GALNT12: variants seen among roughly 807,000 people sequenced by gnomAD.
The protein encoded by GALNT12 is UDP-GalNAc:polypeptide N-acetylgalactosaminyltransferase 12.
GALNT12 carries 45 observed loss-of-function variants against 55.5 expected under a neutral mutation model. The observed-to-expected ratio is 0.81, with a 90% CI of 0.64 to 1.04. The LOEUF (loss-of-function observed/expected upper bound fraction) is 1.04. Among genes scored for constraint, GALNT12 ranks in the 50% least tolerant of loss-of-function variants. GALNT12 has a pLI of 0.00. For synonymous variants in GALNT12, 304 were observed against 312.2 expected, an observed-to-expected ratio of 0.97 and a Z score of 0.28; for missense variants, 709 against 754.8, an observed-to-expected ratio of 0.94 and a Z score of 0.71.
At position 98,826,855 on chromosome 9, in the gene GALNT12, G is replaced by A; in HGVS notation, c.645G>A (p.Gly215=). The A allele has an allele frequency of 6.2e-7, 1 of 1,605,888 alleles. No homozygotes were observed. The change falls in exon 3 of 10, where the codon GGG becomes GGA. Residue 215 remains glycine (G), a synonymous_variant. Transcript: ENST00000375011. Reference sequence around the variant, plus strand: ...GCCTGGTGCGAGCCCGGCTGCTGGGGGCGTCTGCGGCGAGGGGCGATGTTC... The same window carrying A: ...GCCTGGTGCGAGCCCGGCTGCTGGGAGCGTCTGCGGCGAGGGGCGATGTTC... ...REGLVRARLL[G]ASAARGDVLT...
intron 8 of GALNT12, among the ~76,000 whole-genome samples, chr9:98,845,537 A>G (rs1018321987): frequency 1.3e-5 from 2 of 152,140 alleles, no homozygotes; most frequent in African/African-American, 2.4e-5. Context: ...TGTGCACAGC[A>G]CTTTACATCT....
chr9:98,833,842 C>T (rs111442105), intron 4 of GALNT12, among the ~76,000 whole-genome samples: 386 of 152,198 alleles, frequency 2.5e-3, no homozygotes, highest in African/African-American at 8.9e-3. Flanking sequence ...CTAATTGCCC[C>T]GTTACCCCAC....
intron 7 of GALNT12, among the ~76,000 whole-genome samples, chr9:98,840,435 A>G (rs1346543841): frequency 2.0e-5 from 3 of 152,196 alleles, no homozygotes; most frequent in Non-Finnish European, 4.4e-5. Context: ...GCCTTATCAT[A>G]TTACTTCTAG....
At chr9:98,811,910 T>A (rs957339194) in intron 1 of GALNT12, among the ~76,000 whole-genome samples, 1 of 152,186 alleles carries the variant, frequency 6.6e-6, no homozygotes, top group African/African-American at 2.4e-5. Flanking sequence ...CTCAGACTCC[T>A]GACCTCAGGA....
intron 3 of GALNT12, among the ~76,000 whole-genome samples, chr9:98,827,416 G>A (rs1835883437): frequency 6.6e-6 from 1 of 151,978 alleles, no homozygotes; most frequent in Non-Finnish European, 1.5e-5. Flanking sequence ...GGTCAGGCTG[G>A]TCTCAAACTC....
intron 9 of GALNT12, among the ~76,000 whole-genome samples, chr9:98,847,811 C>CT (rs754967420): frequency 0.063 from 7,788 of 122,828 alleles, 359 homozygotes; most frequent in East Asian, 0.13. Flanking sequence ...AGGGCTGGAT[C>CT]TTTTTTTTTT....
chr9:98,827,111 A>G lies in GALNT12; in HGVS notation c.731+170A>G, dbSNP rs1043860406. ...TTAGTTCGGCTGTTGAGACCGTTAA[A>G]TGATTTAGTGCATGGCAAGTGCCTG... On this transcript the variant is annotated intron_variant, in intron 3 of 9. Transcript: ENST00000375011. Among the ~76,000 whole-genome samples the G allele has an allele frequency of 1.6e-4, 24 of 152,214 alleles. No homozygotes were observed. Among genetic ancestry groups the G allele is most frequent in the African/African-American group, 5.5e-4 (23 of 41,448 alleles).
chr9:98,831,994 C>T, intron 4 of GALNT12, 37 bp downstream of exon 4: 1 of 1,572,998 alleles, frequency 6.4e-7, no homozygotes, highest in South Asian at 1.1e-5. Context: ...GTTTTTTAAG[C>T]ATGCCTCATT....
chr9:98,834,219 A>G (rs1836073636), intron 4 of GALNT12, among the ~76,000 whole-genome samples: 1 of 151,894 alleles, frequency 6.6e-6, no homozygotes, highest in African/African-American at 2.4e-5. Flanking sequence ...CCTGGATTCA[A>G]GTGATTCTCC....
chr9:98,829,548 G>T (rs1352435879), intron 3 of GALNT12, among the ~76,000 whole-genome samples: 1 of 151,476 alleles, frequency 6.6e-6, no homozygotes, highest in Non-Finnish European at 1.5e-5. Flanking sequence ...ACTCTGTTGT[G>T]CTAGCAACTG....
intron 1 of GALNT12, 100 bp from the exon 2 acceptor site, chr9:98,823,156 C>G (rs775111458): frequency 1.0e-5 from 11 of 1,097,370 alleles, no homozygotes; most frequent in African/African-American, 1.5e-5. Flanking sequence ...GATTATGTCC[C>G]CTTCCGCAGG....
intron 1 of GALNT12, among the ~76,000 whole-genome samples, chr9:98,820,405 G>C (rs1319107403): frequency 6.6e-6 from 1 of 152,162 alleles, no homozygotes; most frequent in Non-Finnish European, 1.5e-5. Flanking sequence ...CTCCATCCAT[G>C]TCCTTGCAAA....
intron 4 of GALNT12, among the ~76,000 whole-genome samples, chr9:98,834,478 T>C (rs1337268901): frequency 6.6e-6 from 1 of 152,216 alleles, no homozygotes; most frequent in Non-Finnish European, 1.5e-5. Flanking sequence ...GTGCTGACCT[T>C]ACAGTGTTCT....
At chr9:98,843,007 ACAGTGGC>A (rs1480045029) in intron 7 of GALNT12, among the ~76,000 whole-genome samples, 1 of 152,224 alleles carries the variant, frequency 6.6e-6, no homozygotes, top group Admixed American at 6.5e-5. Flanking sequence ...TCCAGTAGCC[ACAGTGGC>A]CAGTGGCCGC....
intron 3 of GALNT12, 91 bp downstream of exon 3, chr9:98,827,032 G>T: frequency 7.3e-7 from 1 of 1,362,618 alleles, no homozygotes; most frequent in Non-Finnish European, 1.0e-6. Context: ...GAGGGTTAAC[G>T]GGTTGCCTGG....
intron 7 of GALNT12, among the ~76,000 whole-genome samples, chr9:98,842,092 C>T (rs1381092157): frequency 6.6e-6 from 1 of 150,864 alleles, no homozygotes; most frequent in Non-Finnish European, 1.5e-5. Context: ...TGTTGTGGCT[C>T]ATTGTTTTTT....
In GALNT12 at chr9:98,848,756, A is replaced by C. The variant is rs930787587; in HGVS notation, c.1606-196A>C. ...TGGCACCATCGGTCCTGTGAGAGGCAAGCGGGACGCAGCCTGTACAAGCCT... is the reference window on the plus strand; with the variant it reads ...TGGCACCATCGGTCCTGTGAGAGGCCAGCGGGACGCAGCCTGTACAAGCCT... On this transcript the variant is annotated intron_variant, in intron 9 of 9. Transcript: ENST00000375011. 4 of 652,798 alleles carry C rather than the reference A, an allele frequency of 6.1e-6. 1 individual carries two copies. Among genetic ancestry groups the C allele is most frequent in the African/African-American group, 1.8e-5 (1 of 55,444 alleles). 40.4% of individuals were successfully genotyped at this position (652,798 alleles called of 1,614,324 possible). A position where few individuals can be genotyped will look rare whatever the true frequency, so the allele number is the denominator to read the frequency against.
chr9:98,808,520 A>G lies in GALNT12; in HGVS notation c.371+451A>G, dbSNP rs114710537. Among the ~76,000 whole-genome samples, 1,058 of 152,264 alleles carry G rather than the reference A, an allele frequency of 6.9e-3. 11 individuals are homozygous for G. The highest frequency in any genetic ancestry group is 0.024 in the African/African-American group (992 of 41,550). ...CTAAGGGACAAACAAGATGCGAGGG[A>G]GCGCCCCACAGGTGAAGCGAAAGAT... On this transcript the variant is annotated intron_variant, in intron 1 of 9. Transcript: ENST00000375011.
At chr9:98,820,840 C>T (rs765790679) in intron 1 of GALNT12, among the ~76,000 whole-genome samples, 15 of 152,096 alleles carry the variant, frequency 9.9e-5, no homozygotes, top group African/African-American at 2.2e-4. Context: ...TAAAGAATGT[C>T]GTGTCTTCCA....
Sources: gnomAD v4.1 joint callset for allele counts (sites outside exome capture counted in the v4.1 genomes callset) on GRCh38, gnomAD v4.1.1 for gene constraint, MANE v1.5 for transcripts, NCBI Gene and HGNC (gene_info 2026-07-23, HGNC 2026-07-21) for gene names.